The following OR2C1 variants were observed in gnomAD, a reference collection of about 807,000 sequenced individuals.
OR2C1 encodes the protein olfactory receptor family 2 subfamily C member 1.
For missense variants in OR2C1, 468 were observed against 388.3 expected (o/e 1.21, Z -1.73); for synonymous variants, 209 against 167.3 (o/e 1.25, Z -1.92).
upstream of OR2C1, among the ~76,000 whole-genome samples, chr16:3,351,034 C>CA (rs1172796202): frequency 0.012 from 595 of 49,100 alleles, 3 homozygotes; most frequent in African/African-American, 0.019. Context: ...GACCCTGACT[C>CA]AAAAAAAAAA....
At chr16:3,333,210 CATTTT>C in the OR2C1 span, among the ~76,000 whole-genome samples, 5 of 33,046 alleles carry the variant, frequency 1.5e-4, no homozygotes, top group African/African-American at 4.6e-4. Flanking sequence ...ATCTTTTGCC[CATTTT>C]TTTTTTTTTT....
chr16:3,344,229 C>G, the OR2C1 span, among the ~76,000 whole-genome samples: 1 of 150,400 alleles, frequency 6.6e-6, no homozygotes, highest in African/African-American at 2.5e-5. Flanking sequence ...TTAAAAAAAA[C>G]AAAACAAAAC....
chr16:3,329,966 G>T, the OR2C1 span, among the ~76,000 whole-genome samples: 5 of 150,884 alleles, frequency 3.3e-5, no homozygotes, highest in Non-Finnish European at 7.4e-5. Flanking sequence ...TATTGACCAG[G>T]CTGGTCTCAA....
chr16:3,346,982 C>G, the OR2C1 span, among the ~76,000 whole-genome samples: 1 of 150,374 alleles, frequency 6.7e-6, no homozygotes, highest in South Asian at 2.1e-4. Flanking sequence ...CGGTGGCTCA[C>G]ACCTGTAATC....
Position 3,356,107 on chromosome 16 carries a change from A to G in OR2C1, c.167A>G (p.His56Arg), listed in dbSNP as rs2030664208. Reference protein sequence around the residue: ...ILLSRLEARLHTPMYFFLSNL... With the variant: ...ILLSRLEARLRTPMYFFLSNL... ...CTTTCCCGCCTGGAGGCCCGGCTCCATACACCCATGTACTTCTTCCTCAGC... is the reference window on the plus strand; with the variant it reads ...CTTTCCCGCCTGGAGGCCCGGCTCCGTACACCCATGTACTTCTTCCTCAGC... The change falls in exon 1 of 1, where the codon CAT becomes CGT. Residue 56 changes from histidine to arginine, a missense_variant. Coordinates refer to ENST00000304936, the MANE Select transcript of OR2C1 (RefSeq NM_012368.3). The G allele has an allele frequency of 3.1e-6, 5 of 1,614,184 alleles. No homozygotes were observed. The highest frequency in any genetic ancestry group is 8.5e-7 in the Non-Finnish European group (1 of 1,180,040).
upstream of OR2C1, among the ~76,000 whole-genome samples, chr16:3,354,140 T>G (rs144458656): frequency 3.3e-3 from 501 of 152,176 alleles, 3 homozygotes; most frequent in African/African-American, 0.011. Context: ...CCCGCCACCA[T>G]GCCCGACAAA....
At chr16:3,350,055 C>CTTTTTTT in the OR2C1 span, among the ~76,000 whole-genome samples, 5 of 102,752 alleles carry the variant, frequency 4.9e-5, no homozygotes, top group South Asian at 3.7e-4. Context: ...AAAAGGGAAT[C>CTTTTTTT]TTTTTTTTTT....
chr16:3,344,380 G>T, the OR2C1 span, among the ~76,000 whole-genome samples: 9 of 152,142 alleles, frequency 5.9e-5, no homozygotes, highest in Non-Finnish European at 1.2e-4. Context: ...AGTAATCAGA[G>T]AAATGCAAAT....
chr16:3,353,506 A>AC (rs1458581611), upstream of OR2C1, among the ~76,000 whole-genome samples: 8 of 149,952 alleles, frequency 5.3e-5, no homozygotes, highest in East Asian at 1.6e-3. Context: ...AAAAAAAAAA[A>AC]AAAGAATAAG....
the OR2C1 span, among the ~76,000 whole-genome samples, chr16:3,338,406 C>T: frequency 6.6e-6 from 1 of 151,994 alleles, no homozygotes; most frequent in East Asian, 1.9e-4. Flanking sequence ...GTGTAGAAAC[C>T]ATGAGTTAGG....
the OR2C1 span, among the ~76,000 whole-genome samples, chr16:3,338,538 C>CTTCTTTTTTT: frequency 2.9e-5 from 3 of 103,290 alleles, 1 homozygote; most frequent in Non-Finnish European, 5.5e-5. Context: ...GTATAGGTAC[C>CTTCTTTTTTT]TTTTTTTTTT....
chr16:3,344,854 T>C, the OR2C1 span, among the ~76,000 whole-genome samples: 1 of 152,172 alleles, frequency 6.6e-6, no homozygotes, highest in Non-Finnish European at 1.5e-5. Flanking sequence ...TTGGTGCATC[T>C]GGGTATATCT....
At chr16:3,333,560 C>G in the OR2C1 span, among the ~76,000 whole-genome samples, 11 of 152,140 alleles carry the variant, frequency 7.2e-5, no homozygotes, top group African/African-American at 2.4e-4. Flanking sequence ...TGGTCTCAAT[C>G]TCCTGACCTC....
the OR2C1 span, among the ~76,000 whole-genome samples, chr16:3,330,246 A>G: frequency 1.3e-5 from 2 of 151,904 alleles, no homozygotes; most frequent in African/African-American, 4.8e-5. Context: ...AGCTGGGACT[A>G]TAGGCGCCCG....
the OR2C1 span, among the ~76,000 whole-genome samples, chr16:3,331,331 G>C: frequency 6.6e-6 from 1 of 151,590 alleles, no homozygotes; most frequent in Non-Finnish European, 1.5e-5. Flanking sequence ...CTCCCATTTT[G>C]TAGGTTGCCT....
At chr16:3,347,943 A>C in the OR2C1 span, among the ~76,000 whole-genome samples, 1 of 152,194 alleles carries the variant, frequency 6.6e-6, no homozygotes, top group Non-Finnish European at 1.5e-5. Context: ...GGCAAGTTAT[A>C]TATTCATCCC....
At position 3,356,435 on chromosome 16, in the gene OR2C1, G is replaced by A; in HGVS notation, c.495G>A (p.Gln165=). The change falls in exon 1 of 1, where the codon CAG becomes CAA. Residue 165 remains glutamine (Q), a synonymous_variant. Transcript: ENST00000304936. ...NSVIQSTFTL[Q]LPLCGHRRVE... ...TGATCCAGTCAACATTCACTCTGCA[G>A]CTCCCATTGTGTGGGCACCGGAGGG... 1 of 1,613,940 alleles carries A rather than the reference G, an allele frequency of 6.2e-7. No homozygotes were observed. The highest frequency in any genetic ancestry group is 8.5e-7 in the Non-Finnish European group (1 of 1,180,046).
the OR2C1 span, chr16:3,323,082 C>T: frequency 2.0e-6 from 1 of 502,430 alleles, no homozygotes; most frequent in South Asian, 2.6e-5. Flanking sequence ...GAAGATAAAG[C>T]AGGAAATAGT....
At chr16:3,353,716 G>A (rs1415534520), upstream of OR2C1, among the ~76,000 whole-genome samples, 5 of 151,698 alleles carry the variant, frequency 3.3e-5, no homozygotes, top group South Asian at 8.3e-4. Context: ...CAGGAGAATC[G>A]CTTGAACCTG....
Sources: allele counts gnomAD v4.1 joint callset (sites outside exome capture counted in the v4.1 genomes callset), GRCh38; gene constraint gnomAD v4.1.1; transcripts MANE v1.5; gene names NCBI Gene and HGNC (gene_info 2026-07-23, HGNC 2026-07-21).